Variants in NIPBL observed in about 807,000 individuals in gnomAD.
The protein encoded by NIPBL is NIPBL cohesin loading factor.
A neutral mutation model predicts 321.8 loss-of-function variants in NIPBL; 19 were observed. The observed-to-expected ratio is 0.06, with a 90% CI of 0.04 to 0.09. The LOEUF (loss-of-function observed/expected upper bound fraction) is 0.09. Among genes scored for constraint, NIPBL ranks in the 10% least tolerant of loss-of-function variants. The pLI is 1.00. For missense variants in NIPBL, 2,210 were observed against 3,327.0 expected (o/e 0.66, Z 8.26); for synonymous variants, 1,106 against 1,114.1 (o/e 0.99, Z 0.14).
chr5:37,040,703 G>T (rs1025468980), intron 34 of NIPBL, among the ~76,000 whole-genome samples: 4 of 152,082 alleles, frequency 2.6e-5, no homozygotes, highest in Non-Finnish European at 5.9e-5. Flanking sequence ...TTATTTTGTT[G>T]GAACAGTTTC....
intron 32 of NIPBL, among the ~76,000 whole-genome samples, chr5:37,028,467 A>G (rs2149707573): frequency 6.6e-6 from 1 of 150,532 alleles, no homozygotes; most frequent in Admixed American, 6.7e-5. Context: ...CAGCCTCCCA[A>G]GTAGCTGGGG....
At chr5:37,051,944 TCTTTG>T in intron 41 of NIPBL, 58 bp downstream of exon 41, 1 of 1,217,460 alleles carries the variant, frequency 8.2e-7, no homozygotes, top group Non-Finnish European at 1.2e-6. Context: ...GTAAAGCATT[TCTTTG>T]ATAAATGCTC....
At chr5:37,020,941 C>A in intron 27 of NIPBL, 64 bp downstream of exon 27, 1 of 1,067,020 alleles carries the variant, frequency 9.4e-7, no homozygotes, top group Non-Finnish European at 1.5e-6. Context: ...TGCTTGTGAG[C>A]AGTATATAAT....
At chr5:36,917,453 A>G (rs887745414) in intron 1 of NIPBL, among the ~76,000 whole-genome samples, 15 of 152,020 alleles carry the variant, frequency 9.9e-5, no homozygotes, top group East Asian at 9.6e-4. Flanking sequence ...CTTCACTCTG[A>G]TGGTAGTTTC....
intron 34 of NIPBL, among the ~76,000 whole-genome samples, chr5:37,043,395 G>A (rs531072366): frequency 1.8e-4 from 27 of 152,170 alleles, no homozygotes; most frequent in African/African-American, 6.5e-4. Flanking sequence ...AGGCATGGTG[G>A]TGGGCGCCTG....
At chr5:36,946,835 TTA>T (rs1422651198) in intron 1 of NIPBL, among the ~76,000 whole-genome samples, 3 of 152,132 alleles carry the variant, frequency 2.0e-5, no homozygotes, top group African/African-American at 7.2e-5. Context: ...GAACAGACAC[TTA>T]TGTTCTTTGA....
intron 44 of NIPBL, among the ~76,000 whole-genome samples, chr5:37,059,505 T>TA (rs910320696): frequency 1.2e-4 from 18 of 152,230 alleles, no homozygotes; most frequent in Admixed American, 3.9e-4. Context: ...AGACTCTGTC[T>TA]AAAAAAATAA....
At position 37,024,641 on chromosome 5, in the gene NIPBL, T is replaced by C. The variant is rs369235309; in HGVS notation, c.5631T>C (p.Ile1877=). Residue 1877 remains isoleucine (I), a synonymous_variant, in exon 30 of 47, where the codon ATT becomes ATC. Transcript: ENST00000282516. ...TAAAGATTCTCAGAGACATTTGTAT[T>C]GAACAACCAACATTTCCAAAAATCA... The part of the protein sequence containing the change: ...RVIKILRDIC[I]EQPTFPKITE... 2.5e-6 allele frequency: 4 copies of C among 1,611,208 alleles called. No individual in the cohort carries two copies. The South Asian group carries it at 3.3e-5, about 13-fold the overall frequency.
chr5:37,034,378 A>G (rs927354790), intron 32 of NIPBL, among the ~76,000 whole-genome samples: 4 of 152,170 alleles, frequency 2.6e-5, no homozygotes, highest in South Asian at 2.1e-4. Context: ...TGACCCAGCA[A>G]TTCGACTTCA....
intron 10 of NIPBL, among the ~76,000 whole-genome samples, chr5:36,989,371 G>T (rs1745209485): frequency 6.6e-6 from 1 of 151,962 alleles, no homozygotes; most frequent in Admixed American, 6.6e-5. Flanking sequence ...TTTATTCCTT[G>T]CCTGGGAGGG....
intron 3 of NIPBL, among the ~76,000 whole-genome samples, chr5:36,956,616 C>CTTTTTTTTTT (rs34760816): frequency 2.5e-5 from 2 of 79,478 alleles, no homozygotes; most frequent in African/African-American, 1.1e-4. Flanking sequence ...TAAATCACTT[C>CTTTTTTTTTT]TTTTTTTTTT....
chr5:36,972,224 C>G (rs755721156), intron 8 of NIPBL, among the ~76,000 whole-genome samples, 183 bp downstream of exon 8: 3 of 152,102 alleles, frequency 2.0e-5, no homozygotes, highest in African/African-American at 7.2e-5. Flanking sequence ...TTCATTGATT[C>G]ATTTATCTTC....
rs560761028 is a variant in NIPBL at position 36,970,384 on chromosome 5, AAAAT to A, written c.611-480_611-477del. ...CTAGGTAACAGAGCTGTCTGTAAAA[AAAAT>A]AAATAAATAAAAGAATTTAAAACTA... On this transcript the variant is annotated intron_variant, in intron 6 of 46. Coordinates refer to ENST00000282516, the MANE Select transcript of NIPBL (RefSeq NM_133433.4). Among the ~76,000 whole-genome samples, 388 of 146,976 alleles carry A rather than the reference AAAAT, an allele frequency of 2.6e-3. 3 individuals carry two copies. Among genetic ancestry groups the A allele is most frequent in the African/African-American group, 9.6e-3 (373 of 39,028 alleles).
chr5:37,048,411 G>A lies in NIPBL; in HGVS notation c.6590-91G>A, dbSNP rs879104905. 9.3e-6 allele frequency: 7 copies of A among 750,680 alleles called. No individual in the cohort carries two copies. In the South Asian group the frequency reaches 2.4e-4, roughly 26 times the overall value. The allele number at this position is 750,680 out of a possible 1,614,324, so 46.5% of individuals were successfully genotyped here. On this transcript the variant is annotated intron_variant, in intron 38 of 46. Transcript: ENST00000282516. ...TTAAGTTTTAATTTTTTGAAATAAG[G>A]AGCCGTTTATATAATTTATTAACAT...
At chr5:36,921,883 G>A (rs974527970) in intron 1 of NIPBL, among the ~76,000 whole-genome samples, 8 of 142,920 alleles carry the variant, frequency 5.6e-5, no homozygotes, top group Non-Finnish European at 9.0e-5. Context: ...TTGGTTTTGG[G>A]TTTTTTTTGT....
At chr5:37,049,326 A>G in intron 40 of NIPBL, 25 bp downstream of exon 40, 1 of 1,610,226 alleles carries the variant, frequency 6.2e-7, no homozygotes, top group Non-Finnish European at 8.5e-7. Flanking sequence ...TGGCAGCAGC[A>G]CTTACTAAAA....
At chr5:37,050,422 G>T (rs1753411148) in intron 40 of NIPBL, among the ~76,000 whole-genome samples, 1 of 150,686 alleles carries the variant, frequency 6.6e-6, no homozygotes. Flanking sequence ...AGAGGTTGCA[G>T]TGAGCTGAGA....
Position 37,044,820 on chromosome 5 carries a change from G to A in NIPBL, c.6343+91G>A, listed in dbSNP as rs930658567. On this transcript the variant is annotated intron_variant, in intron 36 of 46. Transcript: ENST00000282516. Reference sequence around the variant, plus strand: ...ACACATTTGATAAAAGGCTAGACTCGAGGAAATTATGAGGTGTGATTATCC... The same window carrying A: ...ACACATTTGATAAAAGGCTAGACTCAAGGAAATTATGAGGTGTGATTATCC... 47 of 892,590 alleles carry A rather than the reference G, an allele frequency of 5.3e-5. No individual in the cohort carries two copies. In the Middle Eastern group the frequency reaches 9.2e-4, roughly 17 times the overall value. 55.3% of individuals were successfully genotyped at this position (892,590 alleles called of 1,614,324 possible). A position where few individuals can be genotyped will look rare whatever the true frequency, so the allele number is the denominator to read the frequency against.
intron 5 of NIPBL, 98 bp from the exon 6 acceptor site, chr5:36,962,025 A>C: frequency 7.5e-7 from 1 of 1,336,042 alleles, no homozygotes; most frequent in Admixed American, 1.7e-5. Flanking sequence ...TTACATATAT[A>C]AACTAAGAGA....
Sources: gnomAD v4.1 joint callset for allele counts (sites outside exome capture counted in the v4.1 genomes callset) on GRCh38, gnomAD v4.1.1 for gene constraint, MANE v1.5 for transcripts, NCBI Gene and HGNC (gene_info 2026-07-23, HGNC 2026-07-21) for gene names.